The following RYR2 variants were observed in gnomAD, a reference collection of about 807,000 sequenced individuals.
The protein encoded by RYR2 is cardiac muscle ryanodine receptor-calcium release channel.
Under a neutral mutation model 601.1 loss-of-function variants are expected in RYR2, and 227 were observed. The ratio of observed to expected loss-of-function variants is 0.38; its 90% CI spans 0.34 to 0.42. The LOEUF is 0.42. Ranked by LOEUF, RYR2 falls within the 10% of genes least tolerant of loss-of-function variation. The probability of loss-of-function intolerance (pLI) is 1.00; values close to 1 mark genes in which losing one functional copy is unlikely to be tolerated. For synonymous variants in RYR2, 2,223 were observed against 2,175.1 expected (o/e 1.02, Z -0.61); for missense variants, 4,646 against 6,156.5 (o/e 0.75, Z 8.21).
intron 44 of RYR2, 93 bp from the exon 45 acceptor site, chr1:237,638,264 C>T (rs907393438): frequency 2.3e-5 from 35 of 1,537,766 alleles, no homozygotes; most frequent in Non-Finnish European, 7.0e-6. Context: ...TGTTTAAAAG[C>T]ATCCTTTAAG....
intron 12 of RYR2, among the ~76,000 whole-genome samples, chr1:237,433,447 T>C (rs1707036790): frequency 6.6e-6 from 1 of 152,084 alleles, no homozygotes; most frequent in Admixed American, 6.6e-5. Context: ...TAAAGCAGCA[T>C]TGAACTTATA....
chr1:237,191,418 G>T (rs1193952668), intron 1 of RYR2, among the ~76,000 whole-genome samples: 5 of 145,522 alleles, frequency 3.4e-5, no homozygotes, highest in Non-Finnish European at 6.0e-5. Context: ...AATTTTATGG[G>T]TTTTTTTTTT....
intron 1 of RYR2, among the ~76,000 whole-genome samples, chr1:237,138,083 G>A (rs1056841696): frequency 1.3e-5 from 2 of 152,088 alleles, no homozygotes; most frequent in African/African-American, 4.8e-5. Flanking sequence ...CCAGGATGGA[G>A]TGCAGTGGCA....
intron 1 of RYR2, among the ~76,000 whole-genome samples, chr1:237,101,724 C>T (rs535029243): frequency 6.1e-4 from 93 of 152,332 alleles, no homozygotes; most frequent in Non-Finnish European, 6.0e-4. Flanking sequence ...AAGCAAGCAA[C>T]CTCATCGTTA....
intron 82 of RYR2, among the ~76,000 whole-genome samples, chr1:237,758,082 T>C (rs1414673049): frequency 2.0e-5 from 3 of 152,214 alleles, no homozygotes; most frequent in Non-Finnish European, 4.4e-5. Context: ...GGCTCTCTGG[T>C]TATGGAACCT....
At chr1:237,536,218 G>A (rs1357263805) in intron 25 of RYR2, among the ~76,000 whole-genome samples, 2 of 152,166 alleles carry the variant, frequency 1.3e-5, no homozygotes, top group South Asian at 2.1e-4. Flanking sequence ...TTCTTTTTAA[G>A]TGTGCTTCTG....
chr1:237,061,268 C>CCATCTAT (rs796133446), intron 1 of RYR2, among the ~76,000 whole-genome samples: 5,895 of 88,726 alleles, frequency 0.066, 135 homozygotes, highest in Non-Finnish European at 0.083. Flanking sequence ...ATCTATCTAT[C>CCATCTAT]CATCTATCAT....
intron 1 of RYR2, among the ~76,000 whole-genome samples, chr1:237,146,992 C>G (rs974463068): frequency 1.3e-5 from 2 of 149,406 alleles, no homozygotes; most frequent in African/African-American, 4.9e-5. Flanking sequence ...AGTTTGGGAG[C>G]TGCAAATGCC....
chr1:237,624,117 T>C (rs539086821), intron 39 of RYR2, among the ~76,000 whole-genome samples: 5 of 152,130 alleles, frequency 3.3e-5, no homozygotes, highest in Non-Finnish European at 5.9e-5. Flanking sequence ...TCTTTCTCTC[T>C]TTTTCCTCTT....
At position 237,125,748 on chromosome 1, in the gene RYR2, C is replaced by T. The variant is rs527744858; in HGVS notation, c.48+83179C>T. ...TAAAATAAGTATTACTTTTTCCTTT[C>T]GTGCCTATTTTGGTTTTATTTAAGC... On this transcript the variant is annotated intron_variant, in intron 1 of 104. Transcript: ENST00000366574. 2.0e-4 allele frequency among the ~76,000 whole-genome samples: 31 copies of T among 152,210 alleles called. No individual in the cohort carries two copies. In the East Asian group the frequency reaches 3.9e-3, roughly 19 times the overall value.
intron 29 of RYR2, among the ~76,000 whole-genome samples, chr1:237,588,192 T>TATGTTC (rs1281543589): frequency 6.6e-6 from 1 of 152,156 alleles, no homozygotes; most frequent in Non-Finnish European, 1.5e-5. Flanking sequence ...CACAGCTGGA[T>TATGTTC]ATGTTCTTTT....
At chr1:237,777,268 G>A (rs1421552930) in intron 87 of RYR2, among the ~76,000 whole-genome samples, 1 of 152,092 alleles carries the variant, frequency 6.6e-6, no homozygotes, top group Non-Finnish European at 1.5e-5. Context: ...TGCAGGTAGT[G>A]AGTCTACTGC....
At chr1:237,530,310 C>CAAAA in intron 24 of RYR2, 117 bp from the exon 25 acceptor site, 35 of 586,564 alleles carry the variant, frequency 6.0e-5, no homozygotes, top group East Asian at 1.4e-4. Context: ...GACTCCGTCT[C>CAAAA]AAAAAAAAAA....
chr1:237,524,278 T>G (rs1185530391), intron 24 of RYR2, among the ~76,000 whole-genome samples: 1 of 152,166 alleles, frequency 6.6e-6, no homozygotes, highest in Admixed American at 6.5e-5. Flanking sequence ...CTGAAAAACT[T>G]TATGCCAGGT....
Position 237,705,336 on chromosome 1 carries a change from A to C in RYR2, c.9573A>C (p.Glu3191Asp), listed in dbSNP as rs1442259370. The change falls in exon 67 of 105, where the codon GAA (glutamate) becomes GAC (aspartate). Residue 3191 changes from glutamate to aspartate, a missense_variant. Glu to Asp is a conservative substitution (Grantham distance 45). Coordinates refer to ENST00000366574, the MANE Select transcript of RYR2 (RefSeq NM_001035.3). ...YSIYNTKSSR[E>D]RAALSLPTNV... The stretch of plus-strand genomic sequence containing the variant: ...TCTACAATACCAAGTCTTCACGAGA[A>C]AGAGCAGGTAACACAGAAACATGTG... 6.2e-7 allele frequency: 1 copy of C among 1,604,072 alleles called. No individual in the cohort carries two copies.
intron 1 of RYR2, among the ~76,000 whole-genome samples, chr1:237,114,744 C>G (rs1426988921): frequency 1.3e-5 from 2 of 152,220 alleles, no homozygotes; most frequent in Non-Finnish European, 2.9e-5. Context: ...GGCTTCACAT[C>G]CCAGCCCTAC....
At chr1:237,775,465 G>A (rs1393511373) in intron 87 of RYR2, among the ~76,000 whole-genome samples, 1 of 152,122 alleles carries the variant, frequency 6.6e-6, no homozygotes, top group East Asian at 1.9e-4. Flanking sequence ...TGGTATATCT[G>A]CTGATAAATA....
chr1:237,701,325 G>A (rs1687949110), intron 65 of RYR2, among the ~76,000 whole-genome samples: 2 of 152,212 alleles, frequency 1.3e-5, no homozygotes, highest in South Asian at 4.1e-4. Flanking sequence ...GAAGTCAGGA[G>A]TTCGAGACCA....
chr1:237,331,027 A>C, intron 3 of RYR2, 45 bp downstream of exon 3: 1 of 1,441,906 alleles, frequency 6.9e-7, no homozygotes, highest in Non-Finnish European at 9.8e-7. Context: ...TAATGAGCTC[A>C]GCTACTATAG....
Sources: allele counts gnomAD v4.1 joint callset (sites outside exome capture counted in the v4.1 genomes callset), GRCh38; gene constraint gnomAD v4.1.1; transcripts MANE v1.5; gene names NCBI Gene and HGNC (gene_info 2026-07-23, HGNC 2026-07-21).